Variants in DCDC2 observed in about 807,000 individuals in gnomAD.
DCDC2 encodes the protein doublecortin domain containing 2.
A neutral mutation model predicts 50.2 loss-of-function variants in DCDC2; 40 were observed. That is an observed-to-expected ratio of 0.80 (90% CI 0.62 to 1.04). The LOEUF (loss-of-function observed/expected upper bound fraction) is 1.04, where lower values mean the gene tolerates loss of function less well. Among genes scored for constraint, DCDC2 ranks in the 50% least tolerant of loss-of-function variants. The probability of loss-of-function intolerance (pLI) is 0.00; values close to 1 mark genes in which losing one functional copy is unlikely to be tolerated. For synonymous variants in DCDC2, 234 were observed against 210.6 expected (o/e 1.11, Z -0.96); for missense variants, 570 against 581.9 (o/e 0.98, Z 0.21).
chr6:24,236,967 C>T (rs1457167289), intron 7 of DCDC2, among the ~76,000 whole-genome samples: 1 of 151,032 alleles, frequency 6.6e-6, no homozygotes, highest in East Asian at 1.9e-4. Flanking sequence ...CAAGATTGCA[C>T]AATTGCACTC....
At chr6:24,232,776 G>C (rs1762363561) in intron 7 of DCDC2, among the ~76,000 whole-genome samples, 1 of 151,992 alleles carries the variant, frequency 6.6e-6, no homozygotes, top group South Asian at 2.1e-4. Flanking sequence ...GAAGGTCAGT[G>C]CTCAATAAAT....
intron 7 of DCDC2, among the ~76,000 whole-genome samples, chr6:24,257,888 C>A (rs1762926980): frequency 6.6e-6 from 1 of 151,890 alleles, no homozygotes; most frequent in Admixed American, 6.6e-5. Context: ...CAGGAAGGAC[C>A]AGATTCAAGA....
At chr6:24,202,285 C>T (rs1337056231) in intron 8 of DCDC2, among the ~76,000 whole-genome samples, 1 of 152,098 alleles carries the variant, frequency 6.6e-6, no homozygotes, top group Non-Finnish European at 1.5e-5. Flanking sequence ...TTATCAGCCA[C>T]GATCAAGTCG....
intron 7 of DCDC2, among the ~76,000 whole-genome samples, chr6:24,261,396 A>G (rs910728156): frequency 1.3e-5 from 2 of 151,994 alleles, no homozygotes; most frequent in African/African-American, 2.4e-5. Context: ...TTCTACCTCA[A>G]GTTCCTGAGT....
chr6:24,273,781 G>A (rs1316205572), intron 7 of DCDC2, among the ~76,000 whole-genome samples: 4 of 152,310 alleles, frequency 2.6e-5, no homozygotes, highest in African/African-American at 7.2e-5. Flanking sequence ...TGCTTGGGGC[G>A]ATGCAGGCAA....
chr6:24,191,645 T>C (rs956719554), intron 8 of DCDC2, among the ~76,000 whole-genome samples: 10 of 152,176 alleles, frequency 6.6e-5, no homozygotes, highest in Admixed American at 1.3e-4. Flanking sequence ...CTACCATCCC[T>C]ATTGCGGATT....
At chr6:24,358,288 T>C (rs145356111), upstream of DCDC2, 68 of 190,934 alleles carry the variant, frequency 3.6e-4, 1 homozygote, top group East Asian at 9.3e-3. Context: ...TTCCTGGATG[T>C]AGTTGCCCAG....
At chr6:24,203,050 G>C (rs1351651651) in intron 8 of DCDC2, among the ~76,000 whole-genome samples, 1 of 152,100 alleles carries the variant, frequency 6.6e-6, no homozygotes, top group Non-Finnish European at 1.5e-5. Context: ...TGTGAAAATG[G>C]CCATACTGCC....
chr6:24,327,465 T>G (rs1221121136), intron 2 of DCDC2, among the ~76,000 whole-genome samples: 4 of 137,068 alleles, frequency 2.9e-5, no homozygotes, highest in African/African-American at 5.8e-5. Context: ...TATTTATTTA[T>G]TTATTTATTT....
At chr6:24,327,766 C>A (rs533468486) in intron 2 of DCDC2, among the ~76,000 whole-genome samples, 2 of 152,132 alleles carry the variant, frequency 1.3e-5, no homozygotes, top group Non-Finnish European at 2.9e-5. Flanking sequence ...TGAGCCACCG[C>A]GCCTGGCAAC....
chr6:24,310,621 C>T (rs1759554487), intron 2 of DCDC2, among the ~76,000 whole-genome samples: 1 of 152,158 alleles, frequency 6.6e-6, no homozygotes, highest in Admixed American at 6.5e-5. Context: ...CCAATGACAA[C>T]CAAATCCCTA....
intron 4 of DCDC2, among the ~76,000 whole-genome samples, chr6:24,295,486 CAAAGA>C (rs780448431): frequency 4.6e-5 from 7 of 152,134 alleles, no homozygotes; most frequent in Non-Finnish European, 8.8e-5. Context: ...TCAGGCAAGA[CAAAGA>C]ATTAAAGGGC....
At chr6:24,233,993 T>C (rs1762389680) in intron 7 of DCDC2, among the ~76,000 whole-genome samples, 1 of 152,218 alleles carries the variant, frequency 6.6e-6, no homozygotes. Context: ...ACCCTGCCTT[T>C]AACTAGCTCA....
intron 2 of DCDC2, among the ~76,000 whole-genome samples, chr6:24,317,024 C>T (rs970158163): frequency 4.0e-5 from 6 of 151,298 alleles, no homozygotes; most frequent in African/African-American, 7.3e-5. Flanking sequence ...AATTTGACTT[C>T]GTAAAAACAA....
chr6:24,338,293 T>C (rs1760094015), intron 2 of DCDC2, among the ~76,000 whole-genome samples: 1 of 152,158 alleles, frequency 6.6e-6, no homozygotes, highest in South Asian at 2.1e-4. Flanking sequence ...TTCTAACATT[T>C]AGGCTGGCTC....
intron 6 of DCDC2, among the ~76,000 whole-genome samples, chr6:24,288,512 T>A (rs1038038406): frequency 2.6e-5 from 4 of 152,226 alleles, no homozygotes; most frequent in Non-Finnish European, 5.9e-5. Context: ...TCCCTTTTAG[T>A]CTTCGTTAAA....
Position 24,357,998 on chromosome 6 carries a change from C to G in DCDC2, c.-248G>C. On this transcript the variant is annotated 5_prime_UTR_variant, in exon 1 of 10. Coordinates refer to ENST00000378454, the MANE Select transcript of DCDC2 (RefSeq NM_016356.5). ...CGTGGCGTGCACAGCCAATCAGGAC[C>G]CGCAGTGCGCGCACCACACCAGGTT... The G allele has an allele frequency of 1.5e-6, 2 of 1,364,218 alleles. No homozygotes were observed. Among genetic ancestry groups the G allele is most frequent in the Non-Finnish European group, 2.0e-6 (2 of 1,020,670 alleles). 84.5% of individuals were successfully genotyped at this position (1,364,218 alleles called of 1,614,324 possible). A position where few individuals can be genotyped will look rare whatever the true frequency, so the allele number is the denominator to read the frequency against.
At chr6:24,353,664 G>A (rs758296925) in intron 1 of DCDC2, 41 bp from the exon 2 acceptor site, 2 of 1,254,618 alleles carry the variant, frequency 1.6e-6, no homozygotes, top group East Asian at 2.4e-5. Context: ...TGCTTTTATA[G>A]ACTTTAAGTC....
chr6:24,185,251 A>G (rs1006735528), intron 8 of DCDC2, among the ~76,000 whole-genome samples: 2 of 152,130 alleles, frequency 1.3e-5, no homozygotes, highest in Non-Finnish European at 2.9e-5. Flanking sequence ...TCTCATAGTC[A>G]TTATTACCAC....
Sources: allele counts gnomAD v4.1 joint callset (sites outside exome capture counted in the v4.1 genomes callset), GRCh38; gene constraint gnomAD v4.1.1; transcripts MANE v1.5; gene names NCBI Gene and HGNC (gene_info 2026-07-23, HGNC 2026-07-21).